ST6GALNAC5: variants seen among roughly 807,000 people sequenced by gnomAD.
ST6GALNAC5 encodes alpha-N-acetylgalactosaminide alpha-2,6-sialyltransferase 5.
In ST6GALNAC5, 27 loss-of-function variants were observed where a neutral mutation model predicts 33.6. That is an observed-to-expected ratio of 0.80 (90% CI 0.59 to 1.11). The LOEUF (loss-of-function observed/expected upper bound fraction) is 1.11, where lower values mean the gene tolerates loss of function less well. ST6GALNAC5 is among the 50% of genes least tolerant of loss of function. ST6GALNAC5 has a pLI of 0.00. For synonymous variants in ST6GALNAC5, 194 were observed against 171.2 expected, an observed-to-expected ratio of 1.13 and a Z score of -1.04; for missense variants, 428 against 454.0, an observed-to-expected ratio of 0.94 and a Z score of 0.52.
intron 2 of ST6GALNAC5, among the ~76,000 whole-genome samples, chr1:76,874,517 G>A (rs569521081): frequency 6.6e-6 from 1 of 152,278 alleles, no homozygotes; most frequent in South Asian, 2.1e-4. Flanking sequence ...TGAGGAGCAA[G>A]GAGAGTCAGT....
At chr1:77,028,107 T>A (rs941091230) in intron 2 of ST6GALNAC5, among the ~76,000 whole-genome samples, 3 of 152,226 alleles carry the variant, frequency 2.0e-5, no homozygotes, top group Non-Finnish European at 4.4e-5. Context: ...CACTGTCAGC[T>A]CTAAAGGATA....
chr1:77,034,173 C>CT (rs1333773810), intron 2 of ST6GALNAC5, among the ~76,000 whole-genome samples: 1 of 152,078 alleles, frequency 6.6e-6, no homozygotes, highest in African/African-American at 2.4e-5. Context: ...TGGCACAGCG[C>CT]TTGTTCCCCC....
Position 77,050,308 on chromosome 1 carries a change from C to T in ST6GALNAC5, c.722C>T (p.Ala241Val). 6.2e-7 allele frequency: 1 copy of T among 1,614,120 alleles called. No homozygotes were observed. Among genetic ancestry groups the T allele is most frequent in the South Asian group, 1.1e-5 (1 of 91,084 alleles). The stretch of plus-strand genomic sequence containing the variant: ...ACTGGCTGGTTTACAATGACAATTG[C>T]ACTGGAGCTCTGTGACAGGATCAAT... ...LSTGWFTMTI[A>V]LELCDRINVY... The change falls in exon 4 of 5, where the codon GCA (alanine) becomes GTA (valine). Residue 241 changes from alanine (A) to valine (V), a missense_variant. Transcript: ENST00000477717.
At chr1:77,059,418 C>A (rs1652502851) in intron 4 of ST6GALNAC5, among the ~76,000 whole-genome samples, 1 of 152,080 alleles carries the variant, frequency 6.6e-6, no homozygotes, top group Non-Finnish European at 1.5e-5. Context: ...ATAGAATGTC[C>A]TTCACTTGGG....
At chr1:76,880,545 G>T (rs984339872) in intron 2 of ST6GALNAC5, among the ~76,000 whole-genome samples, 1 of 152,164 alleles carries the variant, frequency 6.6e-6, no homozygotes. Flanking sequence ...GGAACAAAAA[G>T]AGCCAGTCCG....
chr1:77,007,157 A>G (rs1287569529), intron 2 of ST6GALNAC5, among the ~76,000 whole-genome samples: 3 of 152,218 alleles, frequency 2.0e-5, no homozygotes, highest in East Asian at 1.9e-4. Context: ...CGAGGCAGAA[A>G]AAGAGCTGAG....
rs1652822455 is a variant in ST6GALNAC5, at chr1:77,067,476, CTATA to C, written c.*4271_*4274del. On this transcript the variant is annotated 3_prime_UTR_variant, in exon 5 of 5. Transcript: ENST00000477717. Reference sequence around the variant, plus strand: ...ACTCTTTCTCCTTTGTCTCTGCAGCCTATACCTAGTATAGTGCCTTGCACACAAT... The same window carrying C: ...ACTCTTTCTCCTTTGTCTCTGCAGCCCCTAGTATAGTGCCTTGCACACAAT... 6.6e-6 allele frequency among the ~76,000 whole-genome samples: 1 copy of C among 152,186 alleles called. No homozygotes were observed. The highest frequency in any genetic ancestry group is 2.4e-5 in the African/African-American group (1 of 41,440).
At chr1:76,980,985 G>A (rs1649225699) in intron 2 of ST6GALNAC5, among the ~76,000 whole-genome samples, 1 of 152,192 alleles carries the variant, frequency 6.6e-6, no homozygotes, top group African/African-American at 2.4e-5. Flanking sequence ...TAAGGGACTT[G>A]TATTTAAAAT....
At chr1:76,914,163 C>T (rs1328741782) in intron 2 of ST6GALNAC5, among the ~76,000 whole-genome samples, 1 of 152,152 alleles carries the variant, frequency 6.6e-6, no homozygotes, top group East Asian at 1.9e-4. Context: ...AGGAGAACTA[C>T]AAACCACTGC....
intron 2 of ST6GALNAC5, among the ~76,000 whole-genome samples, chr1:77,007,009 C>G (rs1026773988): frequency 2.0e-5 from 3 of 152,188 alleles, no homozygotes; most frequent in Non-Finnish European, 1.5e-5. Context: ...CCAAGAACAG[C>G]AAGAGAGCAA....
At chr1:76,928,534 A>G (rs931443585) in intron 2 of ST6GALNAC5, among the ~76,000 whole-genome samples, 1 of 152,160 alleles carries the variant, frequency 6.6e-6, no homozygotes, top group Non-Finnish European at 1.5e-5. Context: ...TTGTTTGGAA[A>G]CATTAAGGAT....
chr1:76,914,568 C>A (rs1161527914), intron 2 of ST6GALNAC5, among the ~76,000 whole-genome samples: 1 of 152,126 alleles, frequency 6.6e-6, no homozygotes, highest in Non-Finnish European at 1.5e-5. Context: ...TTTGACAAAC[C>A]TGAGAAAAAC....
At chr1:77,048,898 C>T (rs1652105818) in intron 3 of ST6GALNAC5, among the ~76,000 whole-genome samples, 1 of 152,144 alleles carries the variant, frequency 6.6e-6, no homozygotes, top group South Asian at 2.1e-4. Flanking sequence ...CAATAACTTG[C>T]CTCAGGTCAT....
chr1:76,942,476 C>T (rs755342265), intron 2 of ST6GALNAC5, among the ~76,000 whole-genome samples: 9 of 152,032 alleles, frequency 5.9e-5, no homozygotes, highest in Non-Finnish European at 1.3e-4. Context: ...TGACTGACTG[C>T]GTTCCTTCAT....
intron 2 of ST6GALNAC5, among the ~76,000 whole-genome samples, chr1:77,031,322 T>C (rs1040546395): frequency 6.6e-6 from 1 of 152,254 alleles, no homozygotes; most frequent in African/African-American, 2.4e-5. Context: ...TTTACTCATG[T>C]GTTTCCAGCT....
intron 2 of ST6GALNAC5, among the ~76,000 whole-genome samples, chr1:77,008,169 G>A (rs1650498855): frequency 6.6e-6 from 1 of 152,112 alleles, no homozygotes. Context: ...TGCTCAGAGG[G>A]GCTGGGACTC....
chr1:76,969,387 G>T (rs182297263), intron 2 of ST6GALNAC5, among the ~76,000 whole-genome samples: 3 of 152,322 alleles, frequency 2.0e-5, no homozygotes, highest in Admixed American at 2.0e-4. Flanking sequence ...CCCATGCCGG[G>T]TTCAGCAAGT....
chr1:76,946,877 G>T (rs1259150507), intron 2 of ST6GALNAC5, among the ~76,000 whole-genome samples: 3 of 152,064 alleles, frequency 2.0e-5, no homozygotes, highest in African/African-American at 7.2e-5. Flanking sequence ...TGTCCTACCA[G>T]ATTACAAATT....
chr1:77,054,494 A>G (rs1652326957), intron 4 of ST6GALNAC5, among the ~76,000 whole-genome samples: 2 of 152,242 alleles, frequency 1.3e-5, no homozygotes, highest in Admixed American at 1.3e-4. Flanking sequence ...CCTCTGGTCT[A>G]AGACACAACC....
Sources: allele counts gnomAD v4.1 joint callset (sites outside exome capture counted in the v4.1 genomes callset), GRCh38; gene constraint gnomAD v4.1.1; transcripts MANE v1.5; gene names NCBI Gene and HGNC (gene_info 2026-07-23, HGNC 2026-07-21).